The following IQCB1 variants were observed in gnomAD, a reference collection of about 807,000 sequenced individuals.
IQCB1 encodes the protein IQ calmodulin-binding motif-containing protein 1.
IQCB1 carries 56 observed loss-of-function variants against 84.4 expected under a neutral mutation model. That is an observed-to-expected ratio of 0.66 (90% CI 0.54 to 0.83). IQCB1 has a LOEUF of 0.83. Among genes scored for constraint, IQCB1 ranks in the 40% least tolerant of loss-of-function variants. The probability of loss-of-function intolerance (pLI) is 0.00; values close to 1 mark genes in which losing one functional copy is unlikely to be tolerated. For missense variants in IQCB1, 629 were observed against 682.1 expected (o/e 0.92, Z 0.87); for synonymous variants, 210 against 234.8 (o/e 0.89, Z 0.96).
At position 121,828,541 on chromosome 3, in the gene IQCB1, C is replaced by A; in HGVS notation, c.192G>T (p.Leu64Phe). 1 of 1,611,022 alleles carries A rather than the reference C, an allele frequency of 6.2e-7. No homozygotes were observed. The highest frequency in any genetic ancestry group is 8.5e-7 in the Non-Finnish European group (1 of 1,177,364). ...YCYDLIQYCL[L>F]VLSQDYSRIQ... ...TTCGAGAATAATCTTGACTGAGGACCAAGAGGCAATATTGAATGAGATCAT... is the reference window on the plus strand; with the variant it reads ...TTCGAGAATAATCTTGACTGAGGACAAAGAGGCAATATTGAATGAGATCAT... The change falls in exon 4 of 15, where the codon TTG becomes TTT. Residue 64 changes from leucine (L) to phenylalanine (F), a missense_variant. Leu to Phe is a conservative substitution (Grantham distance 22, BLOSUM62 0). Coordinates refer to ENST00000310864, the MANE Select transcript of IQCB1 (RefSeq NM_001023570.4).
rs1234445418 is a variant in IQCB1 at position 121,788,330 on chromosome 3, CT to C, written c.1231del (p.Arg411GlyfsTer5). The C allele has an allele frequency of 6.2e-7, 1 of 1,613,796 alleles. No homozygotes were observed. Among genetic ancestry groups the C allele is most frequent in the Non-Finnish European group, 8.5e-7 (1 of 1,179,946 alleles). On this transcript the variant is annotated frameshift_variant, in exon 12 of 15. Coordinates refer to ENST00000310864, the MANE Select transcript of IQCB1 (RefSeq NM_001023570.4). LOFTEE classifies it high-confidence loss of function. ...YRERKNFHQQ[R>X]QSLIEYKAAV... ...TGCTTTATACTCTATGAGAGACTGC[CT>C]CTGTTGGTGAAAATTTTTCCTTTCC...
chr3:121,809,676 T>C (rs1949749750), intron 5 of IQCB1, among the ~76,000 whole-genome samples: 1 of 152,038 alleles, frequency 6.6e-6, no homozygotes, highest in Admixed American at 6.6e-5. Flanking sequence ...TGAGAAATTA[T>C]TATAAATTAG....
intron 5 of IQCB1, among the ~76,000 whole-genome samples, chr3:121,820,746 T>C (rs1049884748): frequency 6.6e-6 from 1 of 152,080 alleles, no homozygotes; most frequent in Non-Finnish European, 1.5e-5. Context: ...AAAAGCAGTG[T>C]CTGATAGTAC....
intron 5 of IQCB1, among the ~76,000 whole-genome samples, chr3:121,825,181 C>G (rs546453397): frequency 1.3e-5 from 2 of 152,030 alleles, no homozygotes; most frequent in East Asian, 3.9e-4. Flanking sequence ...CTGCCTCAGC[C>G]TCCCAAGTAG....
rs188352138 is a variant in IQCB1, at chr3:121,792,375, T to A, written c.987-2160A>T. Among the ~76,000 whole-genome samples the A allele has an allele frequency of 9.7e-4, 147 of 152,048 alleles. 2 individuals carry two copies. The highest frequency in any genetic ancestry group is 1.4e-3 in the Non-Finnish European group (96 of 67,938). On this transcript the variant is annotated intron_variant, in intron 10 of 14. Transcript: ENST00000310864. ...CAGAAAGACAGGACAAAAGTGAGAT[T>A]TGGGCCGGGCGCGGTGGCTCACGCT...
At chr3:121,834,930 C>G (rs549020006) in intron 1 of IQCB1, 36 bp downstream of exon 1, 1 of 345,482 alleles carries the variant, frequency 2.9e-6, no homozygotes, top group Non-Finnish European at 5.5e-6. Context: ...GCCCTGGGGC[C>G]CTCTCCCTCC....
In IQCB1 at chr3:121,807,386, GATCCT is replaced by G; in HGVS notation, c.540_544del (p.Gly181CysfsTer16). ...ATTCTGTAGCATCATCATGACTGCA[GATCCT>G]ATTTGGACATTGTCAGCTTGCAGTA... On this transcript the variant is annotated frameshift_variant, in exon 7 of 15. Transcript: ENST00000310864. LOFTEE classifies it high-confidence loss of function. The G allele has an allele frequency of 6.3e-7, 1 of 1,584,584 alleles. No individual in the cohort carries two copies. The highest frequency in any genetic ancestry group is 8.7e-7 in the Non-Finnish European group (1 of 1,153,890).
chr3:121,807,386 G>T lies in IQCB1; in HGVS notation c.545C>A (p.Ser182Tyr), dbSNP rs794727849. The T allele has an allele frequency of 6.3e-7, 1 of 1,584,576 alleles. No homozygotes were observed. Among genetic ancestry groups the T allele is most frequent in the Non-Finnish European group, 8.7e-7 (1 of 1,153,884 alleles). The change falls in exon 7 of 15, where the codon TCT becomes TAT. Residue 182 changes from serine (S) to tyrosine (Y), a missense_variant. Physicochemically the swap from Ser to Tyr is moderately radical, Grantham distance 144. Transcript: ENST00000310864. ...ATTCTGTAGCATCATCATGACTGCAGATCCTATTTGGACATTGTCAGCTTG... is the reference window on the plus strand; with the variant it reads ...ATTCTGTAGCATCATCATGACTGCATATCCTATTTGGACATTGTCAGCTTG... Reference protein sequence around the residue: ...LLQADNVQIGSAVMMMLQNIL... With the variant: ...LLQADNVQIGYAVMMMLQNIL...
chr3:121,792,886 A>G (rs1246725621), intron 10 of IQCB1, among the ~76,000 whole-genome samples: 1 of 152,118 alleles, frequency 6.6e-6, no homozygotes, highest in Non-Finnish European at 1.5e-5. Flanking sequence ...TATTCTTCCA[A>G]CTGGTTTCTT....
intron 7 of IQCB1, among the ~76,000 whole-genome samples, chr3:121,800,443 GT>G (rs931942365): frequency 5.9e-5 from 9 of 151,992 alleles, no homozygotes; most frequent in African/African-American, 2.2e-4. Context: ...TACCTTAAAT[GT>G]AAAAATCTCT....
chr3:121,777,472 A>C (rs1300142251), intron 13 of IQCB1, among the ~76,000 whole-genome samples: 2 of 152,188 alleles, frequency 1.3e-5, no homozygotes, highest in East Asian at 1.9e-4. Context: ...AAATGTAGAA[A>C]ATGTCCAGTA....
intron 5 of IQCB1, 146 bp downstream of exon 5, chr3:121,825,905 G>T: frequency 2.5e-6 from 2 of 801,754 alleles, no homozygotes; most frequent in Non-Finnish European, 3.9e-6. Context: ...ACATAGAGAT[G>T]ATTTTTGGAA....
At position 121,795,576 on chromosome 3, in the gene IQCB1, C is replaced by T. The variant is rs371057369; in HGVS notation, c.877-10G>A. 7.2e-5 allele frequency: 110 copies of T among 1,518,722 alleles called. No homozygotes were observed. Among genetic ancestry groups the T allele is most frequent in the Middle Eastern group, 1.7e-4 (1 of 5,860 alleles). The allele number at this position is 1,518,722 out of a possible 1,614,324, so 94.1% of individuals were successfully genotyped here. A position where few individuals can be genotyped will look rare whatever the true frequency, so the allele number is the denominator to read the frequency against. On this transcript the variant is annotated splice_polypyrimidine_tract_variant and intron_variant, in intron 9 of 14. Coordinates refer to ENST00000310864, the MANE Select transcript of IQCB1 (RefSeq NM_001023570.4). ...CTGCTTGATGTAGTTTCTGAAATGCCGAAAATAATTTAGAGATATCTCTAG... is the reference window on the plus strand; with the variant it reads ...CTGCTTGATGTAGTTTCTGAAATGCTGAAAATAATTTAGAGATATCTCTAG...
At chr3:121,827,786 CA>C (rs1439788598) in intron 4 of IQCB1, among the ~76,000 whole-genome samples, 1 of 151,648 alleles carries the variant, frequency 6.6e-6, no homozygotes, top group Admixed American at 6.6e-5. Context: ...TTAGGAAAAA[CA>C]AAAAAAGAAG....
At chr3:121,799,452 T>C (rs1949325735) in intron 7 of IQCB1, 78 bp from the exon 8 acceptor site, 1 of 887,230 alleles carries the variant, frequency 1.1e-6, no homozygotes, top group South Asian at 1.5e-5. Context: ...AATATAAGAT[T>C]CAGTAACTTG....
intron 8 of IQCB1, among the ~76,000 whole-genome samples, chr3:121,798,478 T>A (rs989166936): frequency 2.6e-5 from 4 of 151,894 alleles, no homozygotes. Context: ...ATAACTTTGC[T>A]TGGCAATTAA....
intron 13 of IQCB1, among the ~76,000 whole-genome samples, chr3:121,773,065 G>A (rs982713707): frequency 2.6e-5 from 4 of 151,730 alleles, no homozygotes; most frequent in African/African-American, 9.7e-5. Flanking sequence ...GCTCACGCCT[G>A]TAATCCCAGC....
intron 5 of IQCB1, among the ~76,000 whole-genome samples, chr3:121,809,373 A>G (rs1368848823): frequency 6.6e-6 from 1 of 152,024 alleles, no homozygotes; most frequent in East Asian, 1.9e-4. Context: ...GAATCTCCAA[A>G]GGCAGTCTGG....
chr3:121,793,081 GGAGA>G (rs994904155), intron 10 of IQCB1, among the ~76,000 whole-genome samples: 8 of 152,070 alleles, frequency 5.3e-5, no homozygotes, highest in African/African-American at 1.4e-4. Flanking sequence ...TGCCTCAGAG[GGAGA>G]GAGAGAAAAA....
Sources: allele counts gnomAD v4.1 joint callset (sites outside exome capture counted in the v4.1 genomes callset), GRCh38; gene constraint gnomAD v4.1.1; transcripts MANE v1.5; gene names NCBI Gene and HGNC (gene_info 2026-07-23, HGNC 2026-07-21).